The following PUDP variants were observed in gnomAD, a reference collection of about 807,000 sequenced individuals.
The protein encoded by PUDP is pseudouridine-5'-phosphatase.
PUDP carries 8 observed loss-of-function variants against 9.4 expected under a neutral mutation model. That is an observed-to-expected ratio of 0.85 (90% CI 0.50 to 1.53). The LOEUF is 1.53. Ranked by LOEUF, PUDP falls within the 40% of genes most tolerant of loss-of-function variation. PUDP has a pLI of 0.00. For synonymous variants in PUDP, 99 were observed against 80.7 expected (o/e 1.23, Z -1.22); for missense variants, 188 against 189.7 (o/e 0.99, Z 0.05).
At chrX:6,929,497 G>A (rs1032035323) in intron 3 of PUDP, among the ~76,000 whole-genome samples, 35 of 112,647 alleles carry the variant, frequency 3.1e-4, no homozygotes, top group African/African-American at 1.1e-3. Flanking sequence ...CAATAGTAAG[G>A]AATGCCTGGG....
intron 1 of PUDP, among the ~76,000 whole-genome samples, chrX:6,709,885 G>C (rs1924511644): frequency 8.9e-6 from 1 of 111,954 alleles, no homozygotes. Context: ...CACTTTGGGA[G>C]GCCAAGGCAA....
chrX:6,794,757 G>A (rs1435742221), intron 3 of PUDP, among the ~76,000 whole-genome samples: 4 of 108,720 alleles, frequency 3.7e-5, no homozygotes, highest in Admixed American at 9.9e-5. Context: ...AAGGAGTTTC[G>A]CCATGTTGGT....
intron 3 of PUDP, among the ~76,000 whole-genome samples, chrX:6,780,867 G>A (rs746649984): frequency 2.8e-4 from 31 of 110,224 alleles, no homozygotes; most frequent in Non-Finnish European, 5.1e-4. Flanking sequence ...GACCAGCCTC[G>A]CCAACATGGT....
chrX:6,865,829 T>C (rs1251235103), intron 3 of PUDP, among the ~76,000 whole-genome samples: 1 of 111,557 alleles, frequency 9.0e-6, no homozygotes, highest in African/African-American at 3.3e-5. Flanking sequence ...GGTTTAGAAA[T>C]AAATTTATAG....
At chrX:6,873,658 C>T (rs1240787167) in intron 3 of PUDP, among the ~76,000 whole-genome samples, 1 of 111,628 alleles carries the variant, frequency 9.0e-6, no homozygotes, top group African/African-American at 3.3e-5. Flanking sequence ...ATATATTATA[C>T]TCACCTGGTA....
chrX:7,027,926 TTATATAGACTA>T (rs973416972), intron 1 of PUDP, among the ~76,000 whole-genome samples: 1 of 101,910 alleles, frequency 9.8e-6, no homozygotes, highest in African/African-American at 3.5e-5. Flanking sequence ...TCTATATAGT[TTATATAGACTA>T]TATATAGACT....
intron 1 of PUDP, among the ~76,000 whole-genome samples, chrX:6,981,804 TG>T (rs1929036368): frequency 1.8e-5 from 2 of 111,048 alleles, no homozygotes; most frequent in Admixed American, 1.9e-4. Context: ...AGGCAAGGAT[TG>T]GACACAGACC....
chrX:7,010,210 A>T (rs1249679744), intron 1 of PUDP, among the ~76,000 whole-genome samples: 1 of 111,671 alleles, frequency 9.0e-6, no homozygotes, highest in Non-Finnish European at 1.9e-5. Context: ...AGGCTAATCC[A>T]TCCCTGTTTC....
rs140514463 is a variant in PUDP, at chrX:6,856,421, A to G, written c.*247+120712T>C. 2.9e-3 allele frequency among the ~76,000 whole-genome samples: 325 copies of G among 111,979 alleles called. 4 individuals are homozygous for G. Among genetic ancestry groups the G allele is most frequent in the Non-Finnish European group, 1.0e-3 (54 of 53,205 alleles). The stretch of plus-strand genomic sequence containing the variant: ...GCATGCATGCCGAAATTCATTGTGC[A>G]ACCCTTGCTCACATTAGGGCACCAA... On this transcript the variant is annotated intron_variant and NMD_transcript_variant, in intron 3 of 3. Coordinates refer to the PUDP transcript ENST00000655425.
chrX:6,959,841 T>C (rs1197183571), intron 3 of PUDP, among the ~76,000 whole-genome samples: 1 of 112,720 alleles, frequency 8.9e-6, no homozygotes, highest in Admixed American at 9.4e-5. Context: ...AGAAATACTA[T>C]TCTGGAGCCT....
At chrX:6,871,636 C>T (rs1018065622) in intron 3 of PUDP, among the ~76,000 whole-genome samples, 4 of 111,493 alleles carry the variant, frequency 3.6e-5, no homozygotes, top group Middle Eastern at 4.7e-3. Context: ...CCAAAGGGAA[C>T]ATTATTGAAT....
chrX:6,898,961 G>C (rs1373018504), intron 3 of PUDP, among the ~76,000 whole-genome samples: 1 of 111,592 alleles, frequency 9.0e-6, no homozygotes, highest in Admixed American at 9.6e-5. Context: ...CTACCCAAGA[G>C]AAGGTCTTTC....
intron 1 of PUDP, among the ~76,000 whole-genome samples, chrX:6,716,370 G>GGC (rs1924599965): frequency 8.9e-6 from 1 of 111,762 alleles, no homozygotes. Context: ...AAATATTCAT[G>GGC]GTAGACAGCA....
At chrX:7,095,013 C>T (rs765197317) in intron 2 of PUDP, among the ~76,000 whole-genome samples, 2 of 111,779 alleles carry the variant, frequency 1.8e-5, no homozygotes, top group African/African-American at 6.5e-5. Flanking sequence ...CGGAGCTGGA[C>T]GAGGCAGAGT....
chrX:6,850,767 T>A (rs1286276865), intron 3 of PUDP, among the ~76,000 whole-genome samples: 1 of 112,201 alleles, frequency 8.9e-6, no homozygotes. Flanking sequence ...TGTTGCCAAA[T>A]ACACACATTT....
At chrX:7,068,759 A>G (rs747067836) in intron 3 of PUDP, among the ~76,000 whole-genome samples, 29 of 112,162 alleles carry the variant, frequency 2.6e-4, no homozygotes, top group African/African-American at 9.4e-4. Flanking sequence ...CCGTGTTTTC[A>G]GAGGTGCTCA....
At chrX:6,924,410 T>C (rs1047137156) in intron 3 of PUDP, among the ~76,000 whole-genome samples, 11 of 112,185 alleles carry the variant, frequency 9.8e-5, no homozygotes, top group African/African-American at 3.6e-4. Flanking sequence ...ATTATTGGCT[T>C]TTTAGAGCTA....
At chrX:7,142,711 C>T (rs187948351) in intron 1 of PUDP, among the ~76,000 whole-genome samples, 114 of 91,926 alleles carry the variant, frequency 1.2e-3, no homozygotes, top group African/African-American at 4.4e-3. Context: ...GTGGTGGGAT[C>T]TCGGCTCACT....
chrX:6,909,017 C>T (rs749061974), intron 3 of PUDP, among the ~76,000 whole-genome samples: 1 of 111,442 alleles, frequency 9.0e-6, no homozygotes, highest in East Asian at 2.8e-4. Flanking sequence ...GATATGAGAT[C>T]AACTTGTATC....
Sources: allele counts gnomAD v4.1 joint callset (sites outside exome capture counted in the v4.1 genomes callset), GRCh38; gene constraint gnomAD v4.1.1; transcripts MANE v1.5; gene names NCBI Gene and HGNC (gene_info 2026-07-23, HGNC 2026-07-21).